The following PCSK2 variants were observed in gnomAD, a reference collection of about 807,000 sequenced individuals.
The protein encoded by PCSK2 is proprotein convertase subtilisin/kexin type 2.
PCSK2 carries 14 observed loss-of-function variants against 69.7 expected under a neutral mutation model. That is an observed-to-expected ratio of 0.20 (90% CI 0.13 to 0.31). PCSK2 has a LOEUF of 0.31. Ranked by LOEUF, PCSK2 falls within the 10% of genes least tolerant of loss-of-function variation. The probability of loss-of-function intolerance (pLI) is 1.00; values close to 1 mark genes in which losing one functional copy is unlikely to be tolerated. For synonymous variants in PCSK2, 307 were observed against 320.7 expected (o/e 0.96, Z 0.46); for missense variants, 544 against 842.5 (o/e 0.65, Z 4.39).
chr20:17,448,868 C>G (rs573343171), intron 8 of PCSK2, among the ~76,000 whole-genome samples: 1 of 150,902 alleles, frequency 6.6e-6, no homozygotes, highest in African/African-American at 2.4e-5. Flanking sequence ...GCACCACTCA[C>G]TTAATTTCAC....
At chr20:17,287,717 G>C (rs1395636535) in intron 2 of PCSK2, among the ~76,000 whole-genome samples, 1 of 152,198 alleles carries the variant, frequency 6.6e-6, no homozygotes, top group Non-Finnish European at 1.5e-5. Flanking sequence ...TCTCAGGAGA[G>C]CACCAATCCT....
intron 6 of PCSK2, among the ~76,000 whole-genome samples, chr20:17,419,714 CAAT>C (rs2032080953): frequency 6.6e-6 from 1 of 152,174 alleles, no homozygotes; most frequent in Non-Finnish European, 1.5e-5. Context: ...CACGTTTTGT[CAAT>C]AATCTTGCAG....
intron 2 of PCSK2, among the ~76,000 whole-genome samples, chr20:17,286,197 C>T (rs1226196427): frequency 1.3e-5 from 2 of 152,228 alleles, no homozygotes; most frequent in East Asian, 3.9e-4. Flanking sequence ...TCCTGGAGCC[C>T]CATTGCCAAA....
chr20:17,256,616 G>GT (rs958346984), intron 1 of PCSK2, among the ~76,000 whole-genome samples: 32 of 148,102 alleles, frequency 2.2e-4, no homozygotes, highest in East Asian at 6.0e-4. Context: ...CCCCACCCCT[G>GT]TTTTTTTTTC....
rs144101457 is a variant in PCSK2 at position 17,401,152 on chromosome 20, C to T, written c.544-8111C>T. Among the ~76,000 whole-genome samples, 19 of 152,294 alleles carry T rather than the reference C, an allele frequency of 1.2e-4. No individual in the cohort carries two copies. In the East Asian group the frequency reaches 3.7e-3, roughly 29 times the overall value. The stretch of plus-strand genomic sequence containing the variant: ...CCACATACAGAAGCACCTGTGTCCC[C>T]TCATTCTCAAAATAATATTTTAAAT... On this transcript the variant is annotated intron_variant, in intron 5 of 11. Transcript: ENST00000262545.
chr20:17,336,179 C>T (rs1990345681), intron 2 of PCSK2, among the ~76,000 whole-genome samples: 1 of 152,132 alleles, frequency 6.6e-6, no homozygotes, highest in Non-Finnish European at 1.5e-5. Flanking sequence ...AAGTATTTTG[C>T]ATTTGGTGCT....
intron 5 of PCSK2, among the ~76,000 whole-genome samples, chr20:17,377,523 G>A (rs888036531): frequency 1.3e-5 from 2 of 152,228 alleles, no homozygotes; most frequent in Non-Finnish European, 2.9e-5. Context: ...TGACTCAGAT[G>A]TTATGAAGTA....
chr20:17,282,488 G>A (rs1365086563), intron 2 of PCSK2, among the ~76,000 whole-genome samples: 1 of 152,040 alleles, frequency 6.6e-6, no homozygotes, highest in Non-Finnish European at 1.5e-5. Flanking sequence ...TCTTTTCAAA[G>A]ACAAGCTTAC....
At chr20:17,374,434 G>A (rs764924381) in intron 5 of PCSK2, among the ~76,000 whole-genome samples, 4 of 152,192 alleles carry the variant, frequency 2.6e-5, no homozygotes, top group Non-Finnish European at 5.9e-5. Context: ...AGGGCATGGA[G>A]GTGGGTGGGG....
intron 2 of PCSK2, among the ~76,000 whole-genome samples, chr20:17,349,288 T>C (rs1453414071): frequency 6.6e-6 from 1 of 152,176 alleles, no homozygotes; most frequent in Non-Finnish European, 1.5e-5. Context: ...CTTCACAATA[T>C]TACACAGAAG....
At chr20:17,260,131 A>G (rs977379354) in intron 1 of PCSK2, 109 bp from the exon 2 acceptor site, 4 of 710,510 alleles carry the variant, frequency 5.6e-6, no homozygotes, top group African/African-American at 1.8e-5. Context: ...GTTTCCTTGC[A>G]TACTTCCCTA....
chr20:17,311,765 G>T (rs1989520174), intron 2 of PCSK2, among the ~76,000 whole-genome samples: 1 of 152,128 alleles, frequency 6.6e-6, no homozygotes, highest in Non-Finnish European at 1.5e-5. Context: ...GAAATAGGAG[G>T]CTGTGAGTTT....
chr20:17,265,119 C>G (rs1368105457), intron 2 of PCSK2, among the ~76,000 whole-genome samples: 1 of 152,138 alleles, frequency 6.6e-6, no homozygotes, highest in Non-Finnish European at 1.5e-5. Flanking sequence ...CCGCCTTGGC[C>G]TCCCAAAATG....
At chr20:17,313,891 G>A (rs540912974) in intron 2 of PCSK2, among the ~76,000 whole-genome samples, 1 of 152,280 alleles carries the variant, frequency 6.6e-6, no homozygotes, top group African/African-American at 2.4e-5. Flanking sequence ...CAAATCGTGT[G>A]TACCTGATTG....
intron 2 of PCSK2, among the ~76,000 whole-genome samples, chr20:17,348,321 T>A (rs948718660): frequency 6.6e-6 from 1 of 152,242 alleles, no homozygotes. Context: ...TGGAGTGAGA[T>A]GAGCCTAGCT....
intron 6 of PCSK2, among the ~76,000 whole-genome samples, chr20:17,426,522 A>C (rs2032252244): frequency 6.6e-6 from 1 of 152,254 alleles, no homozygotes; most frequent in African/African-American, 2.4e-5. Context: ...TCTCCAGAGA[A>C]CAGAACCAGT....
intron 1 of PCSK2, among the ~76,000 whole-genome samples, chr20:17,252,678 A>T (rs1039791535): frequency 6.6e-6 from 1 of 152,214 alleles, no homozygotes; most frequent in African/African-American, 2.4e-5. Context: ...AGTACTGTTA[A>T]TAGATTGCTG....
intron 11 of PCSK2, among the ~76,000 whole-genome samples, chr20:17,470,938 A>G (rs1396021433): frequency 6.6e-6 from 1 of 152,202 alleles, no homozygotes; most frequent in African/African-American, 2.4e-5. Flanking sequence ...TACAATTAAC[A>G]AAAAGGCAGC....
At chr20:17,442,532 A>G (rs900504614) in intron 8 of PCSK2, among the ~76,000 whole-genome samples, 5 of 152,104 alleles carry the variant, frequency 3.3e-5, no homozygotes, top group African/African-American at 1.2e-4. Context: ...TACAGCCAAG[A>G]TGGTCAATAG....
Sources: gnomAD v4.1 joint callset for allele counts (sites outside exome capture counted in the v4.1 genomes callset) on GRCh38, gnomAD v4.1.1 for gene constraint, MANE v1.5 for transcripts, NCBI Gene and HGNC (gene_info 2026-07-23, HGNC 2026-07-21) for gene names.